The following ITGAX variants were observed in gnomAD, a reference collection of about 807,000 sequenced individuals.
ITGAX encodes integrin alpha-X.
ITGAX carries 99 observed loss-of-function variants against 140.2 expected under a neutral mutation model. That is an observed-to-expected ratio of 0.71 (90% CI 0.60 to 0.83). ITGAX has a LOEUF of 0.83. Among genes scored for constraint, ITGAX ranks in the 40% least tolerant of loss-of-function variants. ITGAX has a pLI of 0.00. For missense variants in ITGAX, 1,444 were observed against 1,482.0 expected (o/e 0.97, Z 0.42); for synonymous variants, 631 against 600.4 (o/e 1.05, Z -0.75).
chr16:31,361,013 A>G (rs1464940871), intron 8 of ITGAX, 50 bp from the exon 9 acceptor site: 1 of 1,579,544 alleles, frequency 6.3e-7, no homozygotes, highest in Non-Finnish European at 8.7e-7. Flanking sequence ...CAGTGCACAC[A>G]GGCACATTTG....
At chr16:31,376,286 T>G (rs2081018284) in intron 20 of ITGAX, among the ~76,000 whole-genome samples, 1 of 152,198 alleles carries the variant, frequency 6.6e-6, no homozygotes, top group African/African-American at 2.4e-5. Flanking sequence ...ATTTCTACTT[T>G]GGAAGAAAGT....
chr16:31,381,119 T>C (rs2081065673), intron 29 of ITGAX, 112 bp downstream of exon 29: 1 of 743,682 alleles, frequency 1.3e-6, no homozygotes, highest in African/African-American at 1.7e-5. Context: ...GGTCACTTCA[T>C]ATGAGAAACT....
intron 23 of ITGAX, among the ~76,000 whole-genome samples, chr16:31,377,651 C>T (rs545466349): frequency 8.5e-4 from 129 of 152,294 alleles, no homozygotes; most frequent in Middle Eastern, 3.4e-3. Context: ...GCTCTGAGCT[C>T]GTGTGCTGGG....
At chr16:31,368,327 C>T (rs2080912630) in intron 14 of ITGAX, among the ~76,000 whole-genome samples, 1 of 151,532 alleles carries the variant, frequency 6.6e-6, no homozygotes, top group African/African-American at 2.4e-5. Context: ...AACCTCTCTA[C>T]TAAACATCTC....
chr16:31,360,741 C>G (rs2080815175), intron 8 of ITGAX: 2 of 509,300 alleles, frequency 3.9e-6, no homozygotes, highest in Non-Finnish European at 6.9e-6. Context: ...GTCTCAAATT[C>G]CTGGCCTTAA....
chr16:31,372,369 G>A lies in ITGAX; in HGVS notation c.2161-9G>A, dbSNP rs374787339. ...TTACCCTCCGCTCCCCGCGACGCCC[G>A]TCCCCCAGAGCTGCGTGGAGGACTC... On this transcript the variant is annotated splice_polypyrimidine_tract_variant and intron_variant, in intron 17 of 29. Coordinates refer to ENST00000268296, the MANE Select transcript of ITGAX (RefSeq NM_000887.5). The A allele has an allele frequency of 4.1e-5, 66 of 1,591,726 alleles. No homozygotes were observed. Among genetic ancestry groups the A allele is most frequent in the Admixed American group, 1.7e-4 (9 of 51,444 alleles).
rs1597076390 is a variant in ITGAX at position 31,371,277 on chromosome 16, C to T, written c.1842-57C>T. On this transcript the variant is annotated intron_variant, in intron 15 of 29. Coordinates refer to ENST00000268296, the MANE Select transcript of ITGAX (RefSeq NM_000887.5). Reference sequence around the variant, plus strand: ...CTAGGTTCAGATGGGGGTGCCCACCCCACGTGGTGCTCCCAGGAGCCGACG... The same window carrying T: ...CTAGGTTCAGATGGGGGTGCCCACCTCACGTGGTGCTCCCAGGAGCCGACG... The T allele has an allele frequency of 6.8e-6, 11 of 1,607,884 alleles. No homozygotes were observed. In the Middle Eastern group the frequency reaches 5.0e-4, roughly 73 times the overall value.
In ITGAX at chr16:31,381,793, TC is replaced by T. The variant is rs1567310004; in HGVS notation, c.3388-4del. The T allele has an allele frequency of 2.3e-6, 2 of 871,006 alleles. No individual in the cohort carries two copies. Among genetic ancestry groups the T allele is most frequent in the African/African-American group, 1.6e-5 (1 of 61,120 alleles). 54.0% of individuals were successfully genotyped at this position (871,006 alleles called of 1,614,324 possible). A position where few individuals can be genotyped will look rare whatever the true frequency, so the allele number is the denominator to read the frequency against. On this transcript the variant is annotated splice_polypyrimidine_tract_variant and intron_variant, in intron 29 of 29. Coordinates refer to ENST00000268296, the MANE Select transcript of ITGAX (RefSeq NM_000887.5). ...GGCTTCCTGAGTTTCTTCTTCGTCC[TC>T]CCCCCTAGGTTGGCTTCTTCAAGCG... is the stretch of plus-strand genomic sequence containing the variant.
At chr16:31,375,707 G>T (rs2081013696) in intron 20 of ITGAX, among the ~76,000 whole-genome samples, 1 of 152,208 alleles carries the variant, frequency 6.6e-6, no homozygotes. Flanking sequence ...ATGATGGTTG[G>T]TTGTTATTTC....
Position 31,382,228 on chromosome 16 carries a change from C to CTTTTTT in ITGAX, c.*331_*336dup, listed in dbSNP as rs61575806. On this transcript the variant is annotated 3_prime_UTR_variant, in exon 30 of 30. Transcript: ENST00000268296. ...GGCACGAATGATCTTTCTTTCCTTT[C>CTTTTTT]TTTTTTTTTTTTTTTCTTTTCTTTT... 8.9e-5 allele frequency: 80 copies of CTTTTTT among 903,546 alleles called. No homozygotes were observed. Among genetic ancestry groups the CTTTTTT allele is most frequent in the South Asian group, 4.0e-4 (18 of 45,508 alleles). The allele number at this position is 903,546 out of a possible 1,614,324, so 56.0% of individuals were successfully genotyped here.
In ITGAX at chr16:31,363,004, C is replaced by T; in HGVS notation, c.1429C>T (p.Leu477Phe). Residue 477 changes from leucine to phenylalanine, a missense_variant, in exon 13 of 30, where the codon CTC becomes TTC. By Grantham distance (22) the Leu-to-Phe change is conservative (BLOSUM62 0). Transcript: ENST00000268296. ...CAGCGACGGCAGCACCGACCTGGTC[C>T]TCATCGGGGCCCCCCATTACTACGA... ...VDSDGSTDLV[L>F]IGAPHYYEQT... 6.2e-7 allele frequency: 1 copy of T among 1,611,876 alleles called. No homozygotes were observed. Among genetic ancestry groups the T allele is most frequent in the Non-Finnish European group, 8.5e-7 (1 of 1,179,794 alleles).
In ITGAX at chr16:31,359,768, T is replaced by A; in HGVS notation, c.499T>A (p.Phe167Ile). Residue 167 changes from phenylalanine (F) to isoleucine (I), a missense_variant, in exon 6 of 30, where the codon TTT (phenylalanine) becomes ATT (isoleucine). Transcript: ENST00000268296. ...CTCAGGCAGCATCTCCTCCCGCAAC[T>A]TTGCCACGATGATGAACTTCGTGAG... ...DGSGSISSRN[F>I]ATMMNFVRAV... The A allele has an allele frequency of 6.2e-7, 1 of 1,614,116 alleles. No individual in the cohort carries two copies. The highest frequency in any genetic ancestry group is 2.2e-5 in the East Asian group (1 of 44,878).
At position 31,379,796 on chromosome 16, in the gene ITGAX, A is replaced by T; in HGVS notation, c.2908A>T (p.Asn970Tyr). The T allele has an allele frequency of 1.2e-6, 2 of 1,614,072 alleles. No homozygotes were observed. The highest frequency in any genetic ancestry group is 1.7e-6 in the Non-Finnish European group (2 of 1,180,000). Residue 970 changes from asparagine to tyrosine, a missense_variant, in exon 25 of 30, where the codon AAC (asparagine) becomes TAC (tyrosine). Physicochemically the swap from Asn to Tyr is moderately radical, Grantham distance 143. Transcript: ENST00000268296. ...LGQRDLPVSI[N>Y]FWVPVELNQE... ...ACAGAGGGACCTGCCTGTCAGCATC[A>T]ACTTCTGGGTGCCTGTGGAGCTGAA...
At chr16:31,378,921 T>C (rs2081043734) in intron 23 of ITGAX, among the ~76,000 whole-genome samples, 2 of 151,814 alleles carry the variant, frequency 1.3e-5, no homozygotes, top group African/African-American at 4.8e-5. Flanking sequence ...CTCCAAGCAA[T>C]TCTCGTGCCT....
At chr16:31,378,026 A>AAG (rs1555478437) in intron 23 of ITGAX, among the ~76,000 whole-genome samples, 1 of 152,186 alleles carries the variant, frequency 6.6e-6, no homozygotes, top group Non-Finnish European at 1.5e-5. Flanking sequence ...GCAGTGAGGC[A>AAG]GTGGTGAGAC....
chr16:31,361,198 A>G lies in ITGAX; in HGVS notation c.997A>G (p.Ile333Val), dbSNP rs1027745110. The G allele has an allele frequency of 6.2e-7, 1 of 1,612,016 alleles. No individual in the cohort carries two copies. The highest frequency in any genetic ancestry group is 1.3e-5 in the African/African-American group (1 of 74,918). ...KDIQNQLKEK[I>V]FAIEGTETTS... Reference sequence around the variant, plus strand: ...TATTCAAAACCAACTGAAGGAGAAGATCTTTGCCATTGAGGGTGAGTCTGA... The same window carrying G: ...TATTCAAAACCAACTGAAGGAGAAGGTCTTTGCCATTGAGGGTGAGTCTGA... Residue 333 changes from isoleucine to valine, a missense_variant, in exon 9 of 30, where the codon ATC (isoleucine) becomes GTC (valine). By Grantham distance (29) the Ile-to-Val change is conservative. Transcript: ENST00000268296.
chr16:31,362,921 G>T lies in ITGAX; in HGVS notation c.1360-14G>T. 1 of 1,611,484 alleles carries T rather than the reference G, an allele frequency of 6.2e-7. No homozygotes were observed. The highest frequency in any genetic ancestry group is 8.5e-7 in the Non-Finnish European group (1 of 1,179,614). ...GGCAGGGACAGGCAGCATGACCCAG[G>T]CTCTGCCCTTCAGATCGGCTCCTAC... On this transcript the variant is annotated splice_polypyrimidine_tract_variant and intron_variant, in intron 12 of 29. Coordinates refer to ENST00000268296, the MANE Select transcript of ITGAX (RefSeq NM_000887.5).
chr16:31,360,412 G>A lies in ITGAX; in HGVS notation c.810G>A (p.Lys270=). 1 of 1,613,986 alleles carries A rather than the reference G, an allele frequency of 6.2e-7. No individual in the cohort carries two copies. The highest frequency in any genetic ancestry group is 8.5e-7 in the Non-Finnish European group (1 of 1,179,980). ...GKKEGDSLDY[K]DVIPMADAAG... is the part of the protein sequence containing the mutation. Reference sequence around the variant, plus strand: ...AAGAAGGCGACAGCCTGGATTATAAGGATGTCATCCCCATGGCTGATGCAG... The same window carrying A: ...AAGAAGGCGACAGCCTGGATTATAAAGATGTCATCCCCATGGCTGATGCAG... The change falls in exon 8 of 30, where the codon AAG becomes AAA. Residue 270 remains lysine (K), a synonymous_variant. Coordinates refer to ENST00000268296, the MANE Select transcript of ITGAX (RefSeq NM_000887.5).
rs1156931026 is a variant in ITGAX at position 31,362,687 on chromosome 16, G to A, written c.1293G>A (p.Gly431=). The change falls in exon 12 of 30, where the codon GGG becomes GGA. Residue 431 remains glycine, a synonymous_variant. Transcript: ENST00000268296. ...GGGCCCCCCGCTACCAGCACACCGG[G>A]AAGGCTGTCATCTTCACCCAGGTGT... ...VLGAPRYQHT[G]KAVIFTQVSR... is the part of the protein sequence containing the mutation. 1 of 1,613,880 alleles carries A rather than the reference G, an allele frequency of 6.2e-7. No homozygotes were observed. Among genetic ancestry groups the A allele is most frequent in the Non-Finnish European group, 8.5e-7 (1 of 1,179,894 alleles).
Sources: allele counts gnomAD v4.1 joint callset (sites outside exome capture counted in the v4.1 genomes callset), GRCh38; gene constraint gnomAD v4.1.1; transcripts MANE v1.5; gene names NCBI Gene and HGNC (gene_info 2026-07-23, HGNC 2026-07-21).